The following KCNB2 variants were observed in gnomAD, a reference collection of about 807,000 sequenced individuals.
KCNB2 encodes potassium voltage-gated channel subfamily B member 2.
In KCNB2, 15 loss-of-function variants were observed where a neutral mutation model predicts 61.5. The ratio of observed to expected loss-of-function variants is 0.24; its 90% CI spans 0.16 to 0.38. The LOEUF (loss-of-function observed/expected upper bound fraction) is 0.38. Among genes scored for constraint, KCNB2 ranks in the 10% least tolerant of loss-of-function variants. The probability of loss-of-function intolerance (pLI) is 1.00; values close to 1 mark genes in which losing one functional copy is unlikely to be tolerated. For missense variants in KCNB2, 828 were observed against 1,125.2 expected (o/e 0.74, Z 3.78); for synonymous variants, 457 against 446.0 (o/e 1.02, Z -0.31).
chr8:72,744,001 T>C (rs1808013892), intron 2 of KCNB2, among the ~76,000 whole-genome samples: 1 of 152,178 alleles, frequency 6.6e-6, no homozygotes, highest in African/African-American at 2.4e-5. Context: ...TTTGTATTCT[T>C]CTTTTTATTG....
intron 2 of KCNB2, among the ~76,000 whole-genome samples, chr8:72,907,062 T>C (rs1235581140): frequency 6.6e-6 from 1 of 152,120 alleles, no homozygotes; most frequent in Non-Finnish European, 1.5e-5. Flanking sequence ...GTTGCAACCT[T>C]TAAAAACTAT....
intron 2 of KCNB2, among the ~76,000 whole-genome samples, chr8:72,688,686 T>C (rs1806893496): frequency 6.6e-6 from 1 of 152,158 alleles, no homozygotes; most frequent in South Asian, 2.1e-4. Flanking sequence ...GTAATTACCA[T>C]AATTTTATAA....
chr8:72,654,663 T>C (rs918721452), intron 2 of KCNB2, among the ~76,000 whole-genome samples: 1 of 152,180 alleles, frequency 6.6e-6, no homozygotes, highest in Non-Finnish European at 1.5e-5. Context: ...ATTCTTCAAG[T>C]ATTTGCTTTA....
chr8:72,883,651 T>C (rs987107490), intron 2 of KCNB2, among the ~76,000 whole-genome samples: 1 of 152,174 alleles, frequency 6.6e-6, no homozygotes, highest in South Asian at 2.1e-4. Context: ...CTCCCCCCAG[T>C]ATCCCTCCCC....
chr8:72,742,029 A>T (rs750392867), intron 2 of KCNB2, among the ~76,000 whole-genome samples: 13 of 152,226 alleles, frequency 8.5e-5, no homozygotes, highest in Non-Finnish European at 1.3e-4. Flanking sequence ...TATGAAAAAG[A>T]CACTTGCATG....
At chr8:72,777,925 T>C (rs1808683028) in intron 2 of KCNB2, among the ~76,000 whole-genome samples, 1 of 152,172 alleles carries the variant, frequency 6.6e-6, no homozygotes, top group Non-Finnish European at 1.5e-5. Flanking sequence ...TGGATTTTCA[T>C]TTGAAGTTTT....
At chr8:72,546,463 G>A (rs918012595) in intron 1 of KCNB2, among the ~76,000 whole-genome samples, 21 of 151,500 alleles carry the variant, frequency 1.4e-4, no homozygotes, top group Non-Finnish European at 3.1e-4. Flanking sequence ...GTTGCAGTGA[G>A]CCGAGATTGC....
chr8:72,597,000 GCTTTTTTTTTTTTTTTTTTTTT>G lies in KCNB2; in HGVS notation c.579+28688_579+28709del, dbSNP rs1462538592. ...AGCATGCTTGCTTGCTTGCTTGCTTGCTTTTTTTTTTTTTTTTTTTTTTTTTTTTTTTTTTTTTTTTTGAGAT... is the reference window on the plus strand; with the variant it reads ...AGCATGCTTGCTTGCTTGCTTGCTTGTTTTTTTTTTTTTTTTTTTTGAGAT... On this transcript the variant is annotated intron_variant, in intron 2 of 2. Transcript: ENST00000523207. 6.9e-5 allele frequency among the ~76,000 whole-genome samples: 5 copies of G among 72,992 alleles called. No homozygotes were observed. The South Asian group carries it at 3.6e-3, about 52-fold the overall frequency. The allele number at this position is 72,992 out of a possible 152,430, so 47.9% of individuals were successfully genotyped here. A position where few individuals can be genotyped will look rare whatever the true frequency, so the allele number is the denominator to read the frequency against.
intron 2 of KCNB2, among the ~76,000 whole-genome samples, chr8:72,725,601 A>ATATATATATATATACG (rs1807634686): frequency 1.0e-5 from 1 of 100,250 alleles, no homozygotes; most frequent in African/African-American, 3.6e-5. Flanking sequence ...GTATATATAT[A>ATATATATATATATACG]TATATATATA....
chr8:72,806,813 A>G (rs1460048062), intron 2 of KCNB2, among the ~76,000 whole-genome samples: 2 of 152,186 alleles, frequency 1.3e-5, no homozygotes, highest in Non-Finnish European at 2.9e-5. Context: ...TGGGCAGAAC[A>G]GACAATAAAC....
intron 2 of KCNB2, among the ~76,000 whole-genome samples, chr8:72,801,142 G>T (rs976381909): frequency 2.0e-5 from 3 of 152,214 alleles, no homozygotes; most frequent in Non-Finnish European, 4.4e-5. Flanking sequence ...AGAGGATGGG[G>T]GCAACACTAA....
chr8:72,704,860 C>A (rs1807194102), intron 2 of KCNB2, among the ~76,000 whole-genome samples: 1 of 152,098 alleles, frequency 6.6e-6, no homozygotes, highest in Non-Finnish European at 1.5e-5. Flanking sequence ...CTATGCACAC[C>A]CCCCTTATAC....
At chr8:72,822,628 C>A (rs1809530049) in intron 2 of KCNB2, among the ~76,000 whole-genome samples, 1 of 152,190 alleles carries the variant, frequency 6.6e-6, no homozygotes, top group South Asian at 2.1e-4. Context: ...CCAGTTTAAT[C>A]TCCAATAGCA....
At chr8:72,789,362 A>G (rs559369862) in intron 2 of KCNB2, among the ~76,000 whole-genome samples, 2 of 152,274 alleles carry the variant, frequency 1.3e-5, no homozygotes, top group Non-Finnish European at 2.9e-5. Flanking sequence ...GTTGTGTCCA[A>G]TTCTTGAGTG....
chr8:72,594,298 C>CA (rs1326696435), intron 2 of KCNB2, among the ~76,000 whole-genome samples: 1 of 152,144 alleles, frequency 6.6e-6, no homozygotes, highest in East Asian at 1.9e-4. Flanking sequence ...GCACCCCCCT[C>CA]ATCCTCCTCA....
At chr8:72,596,897 T>C (rs912932278) in intron 2 of KCNB2, among the ~76,000 whole-genome samples, 5 of 152,108 alleles carry the variant, frequency 3.3e-5, no homozygotes, top group Admixed American at 2.6e-4. Flanking sequence ...AAGGATTTTC[T>C]GCTGGTTTAT....
chr8:72,901,354 C>G (rs903144846), intron 2 of KCNB2, among the ~76,000 whole-genome samples: 4 of 152,104 alleles, frequency 2.6e-5, no homozygotes, highest in Non-Finnish European at 5.9e-5. Context: ...CGAAACCCTG[C>G]CTTGGGATAT....
intron 2 of KCNB2, among the ~76,000 whole-genome samples, chr8:72,801,727 C>G (rs1337154746): frequency 6.6e-6 from 1 of 151,846 alleles, no homozygotes; most frequent in East Asian, 1.9e-4. Flanking sequence ...GGTTCTTTAC[C>G]TTGGCACATC....
intron 2 of KCNB2, among the ~76,000 whole-genome samples, chr8:72,633,119 T>A (rs1387317): frequency 0.86 from 130,392 of 152,114 alleles, 56,100 homozygotes; most frequent in Admixed American, 0.9. Context: ...TCTGCAAAGA[T>A]CCTGCTTTCA....
Sources: allele counts gnomAD v4.1 joint callset (sites outside exome capture counted in the v4.1 genomes callset), GRCh38; gene constraint gnomAD v4.1.1; transcripts MANE v1.5; gene names NCBI Gene and HGNC (gene_info 2026-07-23, HGNC 2026-07-21).